The following SLIT2 variants were observed in gnomAD, a reference collection of about 807,000 sequenced individuals.
The protein encoded by SLIT2 is slit homolog 2 protein.
In SLIT2, 41 loss-of-function variants were observed where a neutral mutation model predicts 185.7. That is an observed-to-expected ratio of 0.22 (90% confidence interval 0.17 to 0.29). SLIT2 has a LOEUF of 0.29. Among genes scored for constraint, SLIT2 ranks in the 10% least tolerant of loss-of-function variants. The pLI, the probability that SLIT2 is intolerant of heterozygous loss-of-function variation, is 1.00. For missense variants in SLIT2, 1,571 were observed against 1,909.0 expected, an observed-to-expected ratio of 0.82 and a Z score of 3.30; for synonymous variants, 693 against 680.2, an observed-to-expected ratio of 1.02 and a Z score of -0.29.
intron 4 of SLIT2, among the ~76,000 whole-genome samples, chr4:20,279,453 G>T (rs1446553797): frequency 6.6e-6 from 1 of 152,028 alleles, no homozygotes; most frequent in African/African-American, 2.4e-5. Context: ...CTCTACTAAA[G>T]CTTTCTCAAT....
intron 33 of SLIT2, among the ~76,000 whole-genome samples, chr4:20,608,900 G>A (rs1251414855): frequency 2.0e-5 from 3 of 152,074 alleles, no homozygotes; most frequent in South Asian, 2.1e-4. Flanking sequence ...CCATGTTGGA[G>A]CCTTTTTCAG....
chr4:20,482,510 G>A (rs910296896), intron 6 of SLIT2, among the ~76,000 whole-genome samples: 20 of 151,810 alleles, frequency 1.3e-4, no homozygotes, highest in African/African-American at 4.1e-4. Context: ...GAAGCAGTAC[G>A]TTTATGAAAA....
chr4:20,281,052 C>G (rs371731231), intron 4 of SLIT2, among the ~76,000 whole-genome samples: 1 of 152,040 alleles, frequency 6.6e-6, no homozygotes, highest in East Asian at 1.9e-4. Context: ...AGGCTGGCGT[C>G]AAACTTCACA....
At chr4:20,498,332 C>T (rs1258222001) in intron 9 of SLIT2, among the ~76,000 whole-genome samples, 2 of 152,172 alleles carry the variant, frequency 1.3e-5, no homozygotes, top group African/African-American at 2.4e-5. Flanking sequence ...CACTTTGCTG[C>T]GTTGAACTAT....
At chr4:20,403,087 G>C (rs1726485021) in intron 4 of SLIT2, among the ~76,000 whole-genome samples, 1 of 151,720 alleles carries the variant, frequency 6.6e-6, no homozygotes, top group Non-Finnish European at 1.5e-5. Context: ...AATGAAGTTT[G>C]GCTCTATTTA....
chr4:20,275,076 T>C (rs1714031859), intron 4 of SLIT2, among the ~76,000 whole-genome samples: 1 of 152,144 alleles, frequency 6.6e-6, no homozygotes, highest in Non-Finnish European at 1.5e-5. Flanking sequence ...AGTTTTTAAA[T>C]AATGAAATTG....
chr4:20,257,996 T>TG (rs1291107018), intron 3 of SLIT2, 57 bp downstream of exon 3: 2 of 827,396 alleles, frequency 2.4e-6, no homozygotes, highest in Non-Finnish European at 4.0e-6. Context: ...TAAAAATACT[T>TG]AAATTTCAAG....
chr4:20,524,603 G>A (rs1323484362), intron 14 of SLIT2, among the ~76,000 whole-genome samples: 3 of 152,220 alleles, frequency 2.0e-5, no homozygotes, highest in Admixed American at 6.5e-5. Flanking sequence ...GGGCTCAGAA[G>A]TACAGGGGCG....
intron 4 of SLIT2, chr4:20,394,857 T>C (rs948452196): frequency 6.6e-6 from 1 of 152,112 alleles, no homozygotes; most frequent in African/African-American, 2.4e-5. Flanking sequence ...TCTAATACTA[T>C]AGTAGCTGAT....
intron 33 of SLIT2, among the ~76,000 whole-genome samples, chr4:20,606,891 G>T (rs557049612): frequency 6.6e-6 from 1 of 152,268 alleles, no homozygotes; most frequent in African/African-American, 2.4e-5. Flanking sequence ...TGTATTAAAA[G>T]CTTGTTAGTG....
chr4:20,362,125 T>C (rs1356132179), intron 4 of SLIT2, among the ~76,000 whole-genome samples: 2 of 152,138 alleles, frequency 1.3e-5, no homozygotes, highest in African/African-American at 4.8e-5. Context: ...CATCTTGTCC[T>C]CCTTTCCTGC....
At chr4:20,478,727 T>G (rs1716377410) in intron 5 of SLIT2, among the ~76,000 whole-genome samples, 1 of 152,240 alleles carries the variant, frequency 6.6e-6, no homozygotes, top group Non-Finnish European at 1.5e-5. Flanking sequence ...ATTTCTCTTT[T>G]GTAGTGTGTC....
intron 6 of SLIT2, among the ~76,000 whole-genome samples, chr4:20,485,745 G>A (rs13110908): frequency 0.035 from 5,363 of 152,222 alleles, 156 homozygotes; most frequent in Non-Finnish European, 0.053. Flanking sequence ...AGCCTGACAC[G>A]AATGATTCTG....
In SLIT2 at chr4:20,511,587, AT is replaced by A. The variant is rs759622666; in HGVS notation, c.1058+466del. ...AGGCGCCTGCCACCACATCCAGCTA[AT>A]TTTTTTTTTTTTTTTATTTTTGGTA... is the stretch of plus-strand genomic sequence containing the variant. On this transcript the variant is annotated intron_variant, in intron 11 of 36. Coordinates refer to ENST00000504154, the MANE Select transcript of SLIT2 (RefSeq NM_004787.4). Among the ~76,000 whole-genome samples, 248 of 82,198 alleles carry A rather than the reference AT, an allele frequency of 3.0e-3. 4 individuals are homozygous for A. Among genetic ancestry groups the A allele is most frequent in the Middle Eastern group, 7.5e-3 (1 of 134 alleles). 53.9% of individuals were successfully genotyped at this position (82,198 alleles called of 152,430 possible). A position where few individuals can be genotyped will look rare whatever the true frequency, so the allele number is the denominator to read the frequency against.
rs374661023 is a variant in SLIT2, at chr4:20,609,994, AT to A, written c.3693-10del. The stretch of plus-strand genomic sequence containing the variant: ...TGAAAAGAAAATGGAAGAATCAGCC[AT>A]TTTTTTTTCCGTTGTAGTGTGGAGA... On this transcript the variant is annotated intron_variant, in intron 33 of 36. Coordinates refer to ENST00000504154, the MANE Select transcript of SLIT2 (RefSeq NM_004787.4). 171 of 1,544,468 alleles carry A rather than the reference AT, an allele frequency of 1.1e-4. No individual in the cohort carries two copies. Among genetic ancestry groups the A allele is most frequent in the Admixed American group, 3.6e-4 (19 of 52,162 alleles).
At chr4:20,320,334 G>C (rs771189361) in intron 4 of SLIT2, among the ~76,000 whole-genome samples, 2 of 152,084 alleles carry the variant, frequency 1.3e-5, no homozygotes, top group Non-Finnish European at 2.9e-5. Context: ...ACAGAAACAA[G>C]GATCCTTGGT....
At chr4:20,537,948 T>A (rs1023895650) in intron 18 of SLIT2, among the ~76,000 whole-genome samples, 4 of 152,152 alleles carry the variant, frequency 2.6e-5, no homozygotes, top group Admixed American at 6.5e-5. Context: ...TTCTCTTTTT[T>A]AAAATTTTTA....
intron 9 of SLIT2, among the ~76,000 whole-genome samples, chr4:20,496,630 A>T (rs1276795036): frequency 6.6e-6 from 1 of 152,122 alleles, no homozygotes; most frequent in Non-Finnish European, 1.5e-5. Context: ...TTGTAATTAT[A>T]TACTATTGTG....
intron 4 of SLIT2, among the ~76,000 whole-genome samples, chr4:20,340,552 A>G (rs1448004929): frequency 6.6e-6 from 1 of 152,148 alleles, no homozygotes; most frequent in Non-Finnish European, 1.5e-5. Flanking sequence ...AGTTTAATTT[A>G]TGGCCAGAAG....
Sources: allele counts gnomAD v4.1 joint callset (sites outside exome capture counted in the v4.1 genomes callset), GRCh38; gene constraint gnomAD v4.1.1; transcripts MANE v1.5; gene names NCBI Gene and HGNC (gene_info 2026-07-23, HGNC 2026-07-21).